The following SLCO4A1 variants were observed in gnomAD, a reference collection of about 807,000 sequenced individuals.
The protein encoded by SLCO4A1 is solute carrier organic anion transporter family member 4A1.
SLCO4A1 carries 51 observed loss-of-function variants against 64.6 expected under a neutral mutation model. That is an observed-to-expected ratio of 0.79 (90% CI 0.63 to 1.00). SLCO4A1 has a LOEUF of 1.00. Ranked by LOEUF, SLCO4A1 falls within the 50% of genes least tolerant of loss-of-function variation. The probability of loss-of-function intolerance (pLI) is 0.00; values close to 1 mark genes in which losing one functional copy is unlikely to be tolerated. For missense variants in SLCO4A1, 919 were observed against 980.5 expected (o/e 0.94, Z 0.84); for synonymous variants, 471 against 444.9 (o/e 1.06, Z -0.74).
chr20:62,646,193 C>T lies in SLCO4A1; in HGVS notation c.-97+3640C>T, dbSNP rs574872107. 2.9e-3 allele frequency among the ~76,000 whole-genome samples: 444 copies of T among 152,252 alleles called. 3 individuals are homozygous for T. Among genetic ancestry groups the T allele is most frequent in the Non-Finnish European group, 4.8e-3 (327 of 67,990 alleles). On this transcript the variant is annotated intron_variant, in intron 1 of 11. Transcript: ENST00000217159. ...TTTGCTGGCGGACCTCTGAGCTGCC[C>T]GCCCTTCCCTCCCACCACCCGCCCT...
At chr20:62,667,207 C>T (rs562420015) in intron 7 of SLCO4A1, among the ~76,000 whole-genome samples, 23 of 152,326 alleles carry the variant, frequency 1.5e-4, no homozygotes, top group Non-Finnish European at 2.9e-4. Context: ...TCCTGGGCCA[C>T]TGCCAAGACA....
downstream of SLCO4A1, among the ~76,000 whole-genome samples, chr20:62,676,362 G>A (rs755204052): frequency 5.9e-5 from 9 of 152,196 alleles, no homozygotes; most frequent in South Asian, 2.1e-4. Flanking sequence ...CAAGGCTGTC[G>A]TGAGCCATGA....
chr20:62,646,331 G>C (rs1049406233), intron 1 of SLCO4A1, among the ~76,000 whole-genome samples: 5 of 152,222 alleles, frequency 3.3e-5, no homozygotes, highest in Admixed American at 6.5e-5. Flanking sequence ...ACAGCAGGCT[G>C]GGAAGCAGGC....
In SLCO4A1 at chr20:62,644,172, G is replaced by A. The variant is rs943702642; in HGVS notation, c.-97+1619G>A. Among the ~76,000 whole-genome samples the A allele has an allele frequency of 1.3e-5, 2 of 152,228 alleles. No individual in the cohort carries two copies. Among genetic ancestry groups the A allele is most frequent in the South Asian group, 2.1e-4 (1 of 4,822 alleles). The stretch of plus-strand genomic sequence containing the variant: ...ACACCAGTAGGATGTTGCTCGGGCC[G>A]AGACCACACAGCCCGACTTCCCTCT... On this transcript the variant is annotated intron_variant, in intron 1 of 11. Coordinates refer to ENST00000217159, the MANE Select transcript of SLCO4A1 (RefSeq NM_016354.4). The surrounding 1 kb of genome is among the most constrained non-coding windows in gnomAD (Gnocchi z 5.4).
At position 62,661,021 on chromosome 20, in the gene SLCO4A1, G is replaced by GAGTCCCC; in HGVS notation, c.1010-41_1010-40insTCCCCAG. ...CTCTCTCGGAGAAGTCCACCTCCGGGAGCCCCCAGCCCCCAGCCCCAGCTC... is the reference window on the plus strand; with the variant it reads ...CTCTCTCGGAGAAGTCCACCTCCGGGAGTCCCCAGCCCCCAGCCCCCAGCCCCAGCTC... On this transcript the variant is annotated intron_variant, in intron 4 of 11. Transcript: ENST00000217159. This position sits in a 1 kb window ranked among gnomAD's most constrained non-coding sequence, Gnocchi z 5.2. 1 of 546,178 alleles carries GAGTCCCC rather than the reference G, an allele frequency of 1.8e-6. No individual in the cohort carries two copies. Among genetic ancestry groups the GAGTCCCC allele is most frequent in the East Asian group, 3.8e-5 (1 of 26,198 alleles). The allele number at this position is 546,178 out of a possible 1,614,324, so 33.8% of individuals were successfully genotyped here.
Position 62,667,924 on chromosome 20 carries a change from C to T in SLCO4A1, c.1638+14C>T, listed in dbSNP as rs1156596840. 2 of 1,613,914 alleles carry T rather than the reference C, an allele frequency of 1.2e-6. No individual in the cohort carries two copies. Among genetic ancestry groups the T allele is most frequent in the Non-Finnish European group, 1.7e-6 (2 of 1,180,036 alleles). On this transcript the variant is annotated intron_variant, in intron 8 of 11. Coordinates refer to ENST00000217159, the MANE Select transcript of SLCO4A1 (RefSeq NM_016354.4). Reference sequence around the variant, plus strand: ...GACGGCCAGAAGGTGAGTGGAGCCGCTGCCTACCGCCCCTGTCCTCCCCTG... The same window carrying T: ...GACGGCCAGAAGGTGAGTGGAGCCGTTGCCTACCGCCCCTGTCCTCCCCTG...
rs1441309126 is a variant in SLCO4A1, at chr20:62,645,676, C to T, written c.-97+3123C>T. ...ACTGCTTTTTCAAACCACGTGCCTTCTGCAGAAGCCGCTCCCCACGTAGCC... is the reference window on the plus strand; with the variant it reads ...ACTGCTTTTTCAAACCACGTGCCTTTTGCAGAAGCCGCTCCCCACGTAGCC... On this transcript the variant is annotated intron_variant, in intron 1 of 11. Transcript: ENST00000217159. The surrounding 1 kb of genome is among the most constrained non-coding windows in gnomAD (Gnocchi z 4.2). Among the ~76,000 whole-genome samples, 1 of 152,016 alleles carries T rather than the reference C, an allele frequency of 6.6e-6. No homozygotes were observed. The highest frequency in any genetic ancestry group is 1.5e-5 in the Non-Finnish European group (1 of 67,972).
chr20:62,655,866 A>G (rs1011908286), intron 1 of SLCO4A1, among the ~76,000 whole-genome samples: 11 of 152,188 alleles, frequency 7.2e-5, no homozygotes, highest in Non-Finnish European at 1.5e-4. Flanking sequence ...AAGGAAGAAC[A>G]AGGTCAGGCT....
At chr20:62,654,568 C>G (rs1198754303) in intron 1 of SLCO4A1, among the ~76,000 whole-genome samples, 2 of 152,240 alleles carry the variant, frequency 1.3e-5, no homozygotes, top group Non-Finnish European at 2.9e-5. Context: ...AGGCCGGATA[C>G]TTAGGGCTTC....
chr20:62,657,980 T>C (rs1316539254), intron 2 of SLCO4A1, among the ~76,000 whole-genome samples: 1 of 151,926 alleles, frequency 6.6e-6, no homozygotes, highest in African/African-American at 2.4e-5. Flanking sequence ...TTCCTGCTCC[T>C]GTTTGTTGAG....
At chr20:62,658,599 C>T (rs1478045735) in intron 2 of SLCO4A1, 78 bp from the exon 3 acceptor site, 4 of 1,183,408 alleles carry the variant, frequency 3.4e-6, no homozygotes, top group Non-Finnish European at 4.8e-6. Context: ...GGGCTTCTCC[C>T]AGGCACGGGG....
At chr20:62,671,624 T>A in intron 11 of SLCO4A1, 126 bp from the exon 12 acceptor site, 1 of 795,144 alleles carries the variant, frequency 1.3e-6, no homozygotes, top group Non-Finnish European at 2.1e-6. Flanking sequence ...CAGAGCAGGA[T>A]GGGTTTCCGT....
intron 2 of SLCO4A1, among the ~76,000 whole-genome samples, chr20:62,680,950 G>A (rs1001960268): frequency 1.2e-4 from 19 of 152,158 alleles, no homozygotes; most frequent in Non-Finnish European, 2.4e-4. Flanking sequence ...TGTCACCTGG[G>A]CTGGATCACG....
intron 1 of SLCO4A1, among the ~76,000 whole-genome samples, chr20:62,653,015 C>T (rs1438934762): frequency 2.0e-5 from 3 of 152,222 alleles, no homozygotes; most frequent in Admixed American, 2.0e-4. Flanking sequence ...AAATGACTGA[C>T]CCCCCTGGGC....
intron 1 of SLCO4A1, among the ~76,000 whole-genome samples, chr20:62,656,027 C>T (rs1983648693): frequency 1.3e-5 from 2 of 152,348 alleles, no homozygotes; most frequent in Middle Eastern, 3.4e-3. Flanking sequence ...CCGCGTGGCC[C>T]CATCTCAGTA....
chr20:62,672,171 A>G lies in SLCO4A1; in HGVS notation c.*278A>G. 7.5e-7 allele frequency: 1 copy of G among 1,339,128 alleles called. No individual in the cohort carries two copies. The highest frequency in any genetic ancestry group is 9.6e-7 in the Non-Finnish European group (1 of 1,038,902). 83.0% of individuals were successfully genotyped at this position (1,339,128 alleles called of 1,614,324 possible). Reference sequence around the variant, plus strand: ...TACCCGATCGTGTGTGGTGTGCGTGAGGACAAACTCCGCAGGGGCTGTGAA... The same window carrying G: ...TACCCGATCGTGTGTGGTGTGCGTGGGGACAAACTCCGCAGGGGCTGTGAA... On this transcript the variant is annotated 3_prime_UTR_variant, in exon 12 of 12. Coordinates refer to ENST00000217159, the MANE Select transcript of SLCO4A1 (RefSeq NM_016354.4).
chr20:62,654,601 T>A (rs989719917), intron 1 of SLCO4A1, among the ~76,000 whole-genome samples: 24 of 152,224 alleles, frequency 1.6e-4, no homozygotes, highest in Admixed American at 7.9e-4. Context: ...GCCCTGAGCA[T>A]GGCTGATGTG....
At chr20:62,668,613 C>T in intron 10 of SLCO4A1, 72 bp downstream of exon 10, 1 of 1,392,890 alleles carries the variant, frequency 7.2e-7, no homozygotes, top group Non-Finnish European at 1.0e-6. Flanking sequence ...GGGCAAGTGT[C>T]TAACCACCAA....
chr20:62,666,479 TGTTCTGCACC>T lies in SLCO4A1; in HGVS notation c.1380_1389del (p.Phe460LeufsTer36). ...GGCTCCGCGGTCATCAAGTTCTGCC[TGTTCTGCACC>T]GTTGTCAGCCTGCTGGGCATCCTCG... On this transcript the variant is annotated frameshift_variant, in exon 7 of 12. Transcript: ENST00000217159. LOFTEE classifies it high-confidence loss of function. 6.2e-7 allele frequency: 1 copy of T among 1,613,570 alleles called. No homozygotes were observed. The highest frequency in any genetic ancestry group is 8.5e-7 in the Non-Finnish European group (1 of 1,180,000).
Sources: gnomAD v4.1 joint callset for allele counts (sites outside exome capture counted in the v4.1 genomes callset) on GRCh38, gnomAD v4.1.1 for gene constraint, Gnocchi (gnomAD v3.1) non-coding constraint, MANE v1.5 for transcripts, NCBI Gene and HGNC (gene_info 2026-07-23, HGNC 2026-07-21) for gene names.